The following RFLNA variants were observed in gnomAD, a reference collection of about 807,000 sequenced individuals.
The protein encoded by RFLNA is refilin A.
Under a neutral mutation model 7.8 loss-of-function variants are expected in RFLNA, and 5 were observed. The ratio of observed to expected loss-of-function variants is 0.64; its 90% CI spans 0.34 to 1.35. The LOEUF (loss-of-function observed/expected upper bound fraction) is 1.35, where lower values mean the gene tolerates loss of function less well. RFLNA is among the 40% of genes most tolerant of loss of function. The pLI is 0.04. For missense variants in RFLNA, 278 were observed against 305.5 expected (o/e 0.91, Z 0.67); for synonymous variants, 141 against 131.3 (o/e 1.07, Z -0.50).
At chr12:124,300,521 G>T (rs1447597573) in intron 1 of RFLNA, among the ~76,000 whole-genome samples, 1 of 152,218 alleles carries the variant, frequency 6.6e-6, no homozygotes, top group Admixed American at 6.5e-5. Context: ...TATGAGAGAG[G>T]AGAGGGAAGG....
chr12:124,307,749 T>C lies in RFLNA; in HGVS notation c.208-4069T>C, dbSNP rs1170491601. Among the ~76,000 whole-genome samples the C allele has an allele frequency of 3.9e-5, 6 of 152,144 alleles. No homozygotes were observed. The South Asian group carries it at 1.2e-3, about 31-fold the overall frequency. ...TCTTGTGTGATCTTCCTAGAGCCAC[T>C]GTAAAAAAAACTGCCACAAACTGGG... On this transcript the variant is annotated intron_variant, in intron 1 of 2. Transcript: ENST00000546355.
At position 124,298,627 on chromosome 12, in the gene RFLNA, C is replaced by T. The variant is rs186430003; in HGVS notation, c.207+2991C>T. Among the ~76,000 whole-genome samples the T allele has an allele frequency of 7.5e-4, 114 of 152,356 alleles. 1 individual carries two copies. The South Asian group carries it at 0.012, about 16-fold the overall frequency. ...GACACAGCAGTGAACAAGATGCTGACGGTCCCTGCCCTCATGAACTGGCAT... is the reference window on the plus strand; with the variant it reads ...GACACAGCAGTGAACAAGATGCTGATGGTCCCTGCCCTCATGAACTGGCAT... On this transcript the variant is annotated intron_variant, in intron 1 of 2. Transcript: ENST00000546355.
chr12:124,289,495 G>T lies in RFLNA; in HGVS notation c.-37+125G>T, dbSNP rs1432457311. The T allele has an allele frequency of 6.6e-6, 1 of 152,270 alleles. No homozygotes were observed. The highest frequency in any genetic ancestry group is 1.5e-5 in the Non-Finnish European group (1 of 68,070). 9.4% of individuals were successfully genotyped at this position (152,270 alleles called of 1,614,324 possible). A position where few individuals can be genotyped will look rare whatever the true frequency, so the allele number is the denominator to read the frequency against. On this transcript the variant is annotated intron_variant, in intron 1 of 2. Transcript: ENST00000324038. This position sits in a 1 kb window ranked among gnomAD's most constrained non-coding sequence, Gnocchi z 5.0. ...TCACTGAAAGCACTGGGAATCTGGA[G>T]GCTGTCCTGGACACGCACATACAAA...
intron 1 of RFLNA, among the ~76,000 whole-genome samples, chr12:124,298,003 G>A (rs574036085): frequency 3.9e-4 from 59 of 152,352 alleles, no homozygotes; most frequent in African/African-American, 1.2e-3. Context: ...GCTGCGCCTC[G>A]CGGCTGAGGG....
At chr12:124,291,438 G>A (rs1017545924), upstream of RFLNA, among the ~76,000 whole-genome samples, 3 of 152,028 alleles carry the variant, frequency 2.0e-5, no homozygotes, top group Non-Finnish European at 4.4e-5. Flanking sequence ...AGTATTTTTA[G>A]TAGAGACGGG....
intron 2 of RFLNA, among the ~76,000 whole-genome samples, chr12:124,313,702 G>A (rs1319649904): frequency 6.6e-6 from 1 of 151,378 alleles, no homozygotes; most frequent in Non-Finnish European, 1.5e-5. Context: ...AAGGTTGCAT[G>A]TGCCTCTCAA....
chr12:124,293,376 T>C (rs1296618390), upstream of RFLNA, among the ~76,000 whole-genome samples: 1 of 152,128 alleles, frequency 6.6e-6, no homozygotes, highest in Non-Finnish European at 1.5e-5. Flanking sequence ...GCCGAAGACT[T>C]TCTCCAGGGA....
chr12:124,309,093 C>T (rs560811422), intron 1 of RFLNA, among the ~76,000 whole-genome samples: 4 of 152,308 alleles, frequency 2.6e-5, no homozygotes, highest in Admixed American at 1.3e-4. Flanking sequence ...CAGGGGGAGG[C>T]AGGGCTGAGG....
In RFLNA at chr12:124,314,912, G is replaced by A. The variant is rs10846654; in HGVS notation, c.*387G>A. 0.55 allele frequency: 208,124 copies of A among 381,066 alleles called. 61,362 individuals carry two copies. The highest frequency in any genetic ancestry group is 0.64 in the Non-Finnish European group (124,826 of 194,552). 23.6% of individuals were successfully genotyped at this position (381,066 alleles called of 1,614,324 possible). On this transcript the variant is annotated 3_prime_UTR_variant, in exon 3 of 3. Transcript: ENST00000546355. ...AGGCATCCCAGCCTCAGCCGGTGGG[G>A]ACGGCTGCCACTCCCCCAGAGCCCT... is the stretch of plus-strand genomic sequence containing the variant.
rs1203613369 is a variant in RFLNA at position 124,295,540 on chromosome 12, C to T, written c.111C>T (p.Ser37=). 1.6e-6 allele frequency: 2 copies of T among 1,258,814 alleles called. No homozygotes were observed. Among genetic ancestry groups the T allele is most frequent in the East Asian group, 3.1e-5 (1 of 31,996 alleles). 78.0% of individuals were successfully genotyped at this position (1,258,814 alleles called of 1,614,324 possible). The stretch of plus-strand genomic sequence containing the variant: ...GGCTGCCCCCCAGCCCCAGCCCCAG[C>T]CCGCCCTTCTACTCCCTGGCGCCCG... ...DSGLPPSPSP[S]PPFYSLAPGI... is the part of the protein sequence containing the mutation. Residue 37 remains serine, a synonymous_variant, in exon 1 of 3, where the codon AGC becomes AGT. Coordinates refer to ENST00000546355, the MANE Select transcript of RFLNA (RefSeq NM_001365156.1).
intron 1 of RFLNA, among the ~76,000 whole-genome samples, chr12:124,296,826 G>A (rs2033937770): frequency 6.6e-6 from 1 of 152,208 alleles, no homozygotes. Context: ...GTGCAGCTCG[G>A]CATCAGGAGG....
At chr12:124,310,208 C>G (rs1465121306) in intron 1 of RFLNA, among the ~76,000 whole-genome samples, 1 of 49,012 alleles carries the variant, frequency 2.0e-5, no homozygotes, top group African/African-American at 5.3e-5. Context: ...CCTTTAGAAA[C>G]AGAGCCTCCT....
At chr12:124,313,651 C>T (rs2034294251) in intron 2 of RFLNA, among the ~76,000 whole-genome samples, 1 of 150,560 alleles carries the variant, frequency 6.6e-6, no homozygotes, top group Admixed American at 6.6e-5. Flanking sequence ...TGCACTCCAG[C>T]CTGGGTGACA....
intron 1 of RFLNA, among the ~76,000 whole-genome samples, chr12:124,307,875 G>C (rs2135688083): frequency 6.6e-6 from 1 of 152,288 alleles, no homozygotes; most frequent in African/African-American, 2.4e-5. Flanking sequence ...CTCCAGGGGA[G>C]GCTCCTTCCT....
chr12:124,303,885 C>G (rs2034092237), intron 1 of RFLNA, among the ~76,000 whole-genome samples: 1 of 152,226 alleles, frequency 6.6e-6, no homozygotes, highest in Non-Finnish European at 1.5e-5. Flanking sequence ...TGGGGGCTTC[C>G]CGTGCCCAAG....
rs115679636 is a variant in RFLNA, at chr12:124,308,954, G to A, written c.208-2864G>A. Among the ~76,000 whole-genome samples the A allele has an allele frequency of 8.9e-3, 1,354 of 152,348 alleles. 14 individuals carry two copies. The highest frequency in any genetic ancestry group is 0.029 in the African/African-American group (1,187 of 41,586). ...AGTGCGACAGCTGCCAGCGCGTGGC[G>A]GGTGCGACTGAGGAATGGCGTTTTT... On this transcript the variant is annotated intron_variant, in intron 1 of 2. Transcript: ENST00000546355.
At chr12:124,293,374 C>G (rs933956738), upstream of RFLNA, among the ~76,000 whole-genome samples, 7 of 152,126 alleles carry the variant, frequency 4.6e-5, no homozygotes, top group Admixed American at 3.9e-4. Context: ...TTGCCGAAGA[C>G]TTTCTCCAGG....
upstream of RFLNA, among the ~76,000 whole-genome samples, chr12:124,290,925 C>T (rs977455040): frequency 3.9e-5 from 6 of 152,164 alleles, no homozygotes; most frequent in Admixed American, 1.3e-4. The surrounding 1 kb of genome is among the most constrained non-coding windows in gnomAD (Gnocchi z 4.0). Context: ...CCCAGGCAGC[C>T]GAGCGTGCAC....
Position 124,295,574 on chromosome 12 carries a change from G to A in RFLNA, c.145G>A (p.Asp49Asn). The A allele has an allele frequency of 1.7e-6, 2 of 1,165,210 alleles. No homozygotes were observed. Among genetic ancestry groups the A allele is most frequent in the Non-Finnish European group, 2.1e-6 (2 of 944,542 alleles). 72.2% of individuals were successfully genotyped at this position (1,165,210 alleles called of 1,614,324 possible). Residue 49 changes from aspartate to asparagine, a missense_variant, in exon 1 of 3, where the codon GAC (aspartate) becomes AAC (asparagine). Physicochemically the swap from Asp to Asn is conservative, Grantham distance 23 (BLOSUM62 1). Coordinates refer to ENST00000546355, the MANE Select transcript of RFLNA (RefSeq NM_001365156.1). Reference protein sequence around the residue: ...PFYSLAPGILDARAGGAGASS... With the variant: ...PFYSLAPGILNARAGGAGASS... ...CTACTCCCTGGCGCCCGGCATCCTC[G>A]ACGCGCGCGCGGGGGGCGCCGGCGC...
Sources: allele counts gnomAD v4.1 joint callset (sites outside exome capture counted in the v4.1 genomes callset), GRCh38; gene constraint gnomAD v4.1.1; non-coding constraint Gnocchi (gnomAD v3.1); transcripts MANE v1.5; gene names NCBI Gene and HGNC (gene_info 2026-07-23, HGNC 2026-07-21).